UTRN: variants seen among roughly 807,000 people sequenced by gnomAD.
The protein encoded by UTRN is utrophin.
UTRN carries 283 observed loss-of-function variants against 463.9 expected under a neutral mutation model. That is an observed-to-expected ratio of 0.61 (90% CI 0.55 to 0.67). The LOEUF is 0.67. Ranked by LOEUF, UTRN falls within the 30% of genes least tolerant of loss-of-function variation. The pLI is 0.00. For synonymous variants in UTRN, 1,442 were observed against 1,431.5 expected (o/e 1.01, Z -0.17); for missense variants, 3,922 against 4,084.3 (o/e 0.96, Z 1.08).
At position 144,286,875 on chromosome 6, in the gene UTRN, C is replaced by T. The variant is rs557493910; in HGVS notation, c.-93+1054C>T. 2.6e-5 allele frequency among the ~76,000 whole-genome samples: 4 copies of T among 152,322 alleles called. No homozygotes were observed. The East Asian group carries it at 5.8e-4, about 22-fold the overall frequency. The stretch of plus-strand genomic sequence containing the variant: ...TCTGAGGTGTTCAGGACAGGGCCTC[C>T]TCTTTCCCAGCCTTCAGGTCAGCCG... On this transcript the variant is annotated intron_variant, in intron 1 of 74. Transcript: ENST00000367545. The surrounding 1 kb of genome is among the most constrained non-coding windows in gnomAD (Gnocchi z 4.4).
At chr6:144,598,588 C>T (rs1470056979) in intron 51 of UTRN, among the ~76,000 whole-genome samples, 1 of 152,128 alleles carries the variant, frequency 6.6e-6, no homozygotes, top group African/African-American at 2.4e-5. Context: ...AGATTTTCCC[C>T]AGAAGAGACA....
chr6:144,401,758 C>T (rs1029054935), intron 2 of UTRN, among the ~76,000 whole-genome samples: 6 of 151,900 alleles, frequency 3.9e-5, no homozygotes, highest in African/African-American at 1.2e-4. Flanking sequence ...GGGTAAGGAC[C>T]GAAGACCACA....
chr6:144,533,360 T>C lies in UTRN; in HGVS notation c.6233+100T>C, dbSNP rs1019942274. The C allele has an allele frequency of 2.3e-5, 34 of 1,495,066 alleles. No homozygotes were observed. In the African/African-American group the frequency reaches 4.8e-4, roughly 21 times the overall value. The allele number at this position is 1,495,066 out of a possible 1,614,324, so 92.6% of individuals were successfully genotyped here. The stretch of plus-strand genomic sequence containing the variant: ...TGAGTTCTTTTATTGTTTGACATTA[T>C]AATAGGAATTTTACTGACATTTAAG... On this transcript the variant is annotated intron_variant, in intron 43 of 74. Transcript: ENST00000367545.
intron 2 of UTRN, among the ~76,000 whole-genome samples, chr6:144,353,844 A>AAAACAAAC (rs58871410): frequency 0.075 from 11,305 of 151,682 alleles, 1,359 homozygotes; most frequent in African/African-American, 0.26. Flanking sequence ...GAGACTGTCT[A>AAAACAAAC]AAACAAACAA....
chr6:144,449,291 A>G (rs1393535246), intron 17 of UTRN, among the ~76,000 whole-genome samples: 1 of 152,214 alleles, frequency 6.6e-6, no homozygotes, highest in Non-Finnish European at 1.5e-5. Flanking sequence ...AGGGCCTTAA[A>G]TGACTGCTTA....
intron 45 of UTRN, among the ~76,000 whole-genome samples, chr6:144,541,038 A>G (rs1203394886): frequency 6.6e-6 from 1 of 152,210 alleles, no homozygotes. Context: ...TGATGACTAC[A>G]AAGGCTGCCC....
At chr6:144,696,077 G>T (rs1458915549) in intron 52 of UTRN, among the ~76,000 whole-genome samples, 1 of 152,042 alleles carries the variant, frequency 6.6e-6, no homozygotes, top group Non-Finnish European at 1.5e-5. Flanking sequence ...CTTTTTAAAA[G>T]CCCGTAGAGA....
intron 23 of UTRN, among the ~76,000 whole-genome samples, chr6:144,471,371 C>A (rs976157053): frequency 6.6e-6 from 1 of 152,164 alleles, no homozygotes; most frequent in Non-Finnish European, 1.5e-5. Flanking sequence ...AAAATTTTGG[C>A]TGAGGAGACT....
intron 19 of UTRN, among the ~76,000 whole-genome samples, chr6:144,455,630 G>A (rs1788740236): frequency 6.6e-6 from 1 of 152,186 alleles, no homozygotes; most frequent in Non-Finnish European, 1.5e-5. Context: ...AGAAGTTGGT[G>A]CGAGGTGATG....
At chr6:144,521,292 C>A (rs1392370554) in intron 39 of UTRN, among the ~76,000 whole-genome samples, 2 of 151,300 alleles carry the variant, frequency 1.3e-5, no homozygotes, top group Non-Finnish European at 3.0e-5. Context: ...TCCTGCACCC[C>A]CCCAAAAAAA....
In UTRN at chr6:144,836,393, A is replaced by G; in HGVS notation, c.9917A>G (p.His3306Arg). The G allele has an allele frequency of 1.3e-6, 2 of 1,539,688 alleles. No individual in the cohort carries two copies. The highest frequency in any genetic ancestry group is 8.9e-7 in the Non-Finnish European group (1 of 1,125,334). Reference sequence around the variant, plus strand: ...CCGCCAGAGTCGATTATATCTCCCCATCACACGTCTGAGGATTCAGAACTT... The same window carrying G: ...CCGCCAGAGTCGATTATATCTCCCCGTCACACGTCTGAGGATTCAGAACTT... ...GSPPESIISP[H>R]HTSEDSELIA... Residue 3306 changes from histidine to arginine, a missense_variant, in exon 71 of 75, where the codon CAT becomes CGT. By Grantham distance (29) the His-to-Arg change is conservative. Coordinates refer to ENST00000367545, the MANE Select transcript of UTRN (RefSeq NM_007124.3).
intron 65 of UTRN, among the ~76,000 whole-genome samples, chr6:144,817,289 T>C (rs1351647562): frequency 6.6e-6 from 1 of 152,214 alleles, no homozygotes; most frequent in East Asian, 1.9e-4. Flanking sequence ...GCAAAATCTG[T>C]TCTCCTTTTC....
At chr6:144,489,358 AG>A (rs1288869644) in intron 30 of UTRN, among the ~76,000 whole-genome samples, 1 of 152,078 alleles carries the variant, frequency 6.6e-6, no homozygotes, top group African/African-American at 2.4e-5. Flanking sequence ...CATATTGTCC[AG>A]GCTAGTCTCA....
chr6:144,538,436 G>A lies in UTRN; in HGVS notation c.6369+719G>A, dbSNP rs550059737. 6.6e-5 allele frequency among the ~76,000 whole-genome samples: 10 copies of A among 152,056 alleles called. No individual in the cohort carries two copies. The South Asian group carries it at 1.5e-3, about 22-fold the overall frequency. On this transcript the variant is annotated intron_variant, in intron 44 of 74. Transcript: ENST00000367545. ...TGTAATCCCAGCACTTTGGGAGGCC[G>A]AGGCGGGTGGATCACAAGGTCATGA...
At chr6:144,600,766 A>G (rs1804160625) in intron 51 of UTRN, among the ~76,000 whole-genome samples, 1 of 152,260 alleles carries the variant, frequency 6.6e-6, no homozygotes, top group South Asian at 2.1e-4. Flanking sequence ...CAAATTTTCA[A>G]TGTAGATGAA....
intron 41 of UTRN, among the ~76,000 whole-genome samples, chr6:144,524,860 A>G (rs1010743761): frequency 1.3e-5 from 2 of 152,138 alleles, no homozygotes; most frequent in Non-Finnish European, 2.9e-5. Context: ...ACCTGAAGGT[A>G]TGTTCCTTCT....
chr6:144,329,084 C>CT (rs1223318985), intron 2 of UTRN, among the ~76,000 whole-genome samples: 9,009 of 133,234 alleles, frequency 0.068, 1,134 homozygotes, highest in African/African-American at 0.24. Flanking sequence ...CGCACCTGGC[C>CT]TTTTTTTTTT....
intron 2 of UTRN, among the ~76,000 whole-genome samples, chr6:144,391,787 A>G (rs956200010): frequency 6.6e-6 from 1 of 152,170 alleles, no homozygotes; most frequent in African/African-American, 2.4e-5. Flanking sequence ...GACTATAGGC[A>G]TGCACCACCA....
chr6:144,846,446 A>T (rs1409496522), intron 73 of UTRN, among the ~76,000 whole-genome samples: 1 of 152,178 alleles, frequency 6.6e-6, no homozygotes, highest in East Asian at 1.9e-4. Flanking sequence ...CAGAATTAGT[A>T]CTCAGCAAAG....
Sources: allele counts gnomAD v4.1 joint callset (sites outside exome capture counted in the v4.1 genomes callset), GRCh38; gene constraint gnomAD v4.1.1; non-coding constraint Gnocchi (gnomAD v3.1); transcripts MANE v1.5; gene names NCBI Gene and HGNC (gene_info 2026-07-23, HGNC 2026-07-21).